The following NOSTRIN variants were observed in gnomAD, a reference collection of about 807,000 sequenced individuals.
The protein encoded by NOSTRIN is BM247 homolog.
A neutral mutation model predicts 59.0 loss-of-function variants in NOSTRIN; 63 were observed. The observed-to-expected ratio is 1.07, with a 90% confidence interval of 0.87 to 1.32. The LOEUF (loss-of-function observed/expected upper bound fraction) is 1.32. NOSTRIN is among the 40% of genes most tolerant of loss of function. The probability of loss-of-function intolerance (pLI) is 0.00; values close to 1 mark genes in which losing one functional copy is unlikely to be tolerated. For missense variants in NOSTRIN, 512 were observed against 473.1 expected, an observed-to-expected ratio of 1.08 and a Z score of -0.76; for synonymous variants, 200 against 165.4, an observed-to-expected ratio of 1.21 and a Z score of -1.61.
At chr2:168,797,079 C>CTTTTTTTTTTTTTTTTTTTTTTT (rs775176252), upstream of NOSTRIN, among the ~76,000 whole-genome samples, 44 of 75,056 alleles carry the variant, frequency 5.9e-4, no homozygotes, top group Non-Finnish European at 6.9e-4. Flanking sequence ...TTTCTTTTTT[C>CTTTTTTTTTTTTTTTTTTTTTTT]TTTTTTTTTT....
At chr2:168,859,048 G>C (rs1186905479) in intron 12 of NOSTRIN, 3 of 153,438 alleles carry the variant, frequency 2.0e-5, no homozygotes, top group African/African-American at 7.2e-5. Context: ...GGTAATATAA[G>C]ACCTCACCTT....
At chr2:168,843,472 G>A (rs77432751) in intron 8 of NOSTRIN, among the ~76,000 whole-genome samples, 2,439 of 152,238 alleles carry the variant, frequency 0.016, 60 homozygotes, top group African/African-American at 0.056. Flanking sequence ...TACAGTGATC[G>A]CTTATGGAGG....
chr2:168,843,069 T>C lies in NOSTRIN; in HGVS notation c.582T>C (p.Gly194=), dbSNP rs748857963. 5.7e-6 allele frequency: 5 copies of C among 872,322 alleles called. No homozygotes were observed. Among genetic ancestry groups the C allele is most frequent in the Non-Finnish European group, 1.0e-5 (5 of 501,372 alleles). The allele number at this position is 872,322 out of a possible 1,614,324, so 54.0% of individuals were successfully genotyped here. A position where few individuals can be genotyped will look rare whatever the true frequency, so the allele number is the denominator to read the frequency against. ...ATTACTACCAAAAAAACATGGCGGG[T>C]TATTCTACCAGACTGAAATGGGAAA... is the stretch of plus-strand genomic sequence containing the variant. ...DENYYQKNMA[G]YSTRLKWENT... is the part of the protein sequence containing the mutation. The change falls in exon 8 of 16, where the codon GGT becomes GGC. Residue 194 remains glycine (G), a synonymous_variant. Coordinates refer to ENST00000317647, the MANE Select transcript of NOSTRIN (RefSeq NM_001039724.4).
chr2:168,832,078 G>T (rs1687394050), intron 6 of NOSTRIN, among the ~76,000 whole-genome samples: 1 of 152,130 alleles, frequency 6.6e-6, no homozygotes, highest in South Asian at 2.1e-4. Flanking sequence ...CCCAGTGAGG[G>T]GTGGGTAGTG....
chr2:168,862,131 G>A (rs1039912543), intron 15 of NOSTRIN, 82 bp downstream of exon 15: 19 of 1,247,390 alleles, frequency 1.5e-5, no homozygotes, highest in African/African-American at 4.4e-5. Flanking sequence ...TAGTGTGGCA[G>A]CCTTAAGAGT....
In NOSTRIN at chr2:168,850,640, C is replaced by T. The variant is rs894711711; in HGVS notation, c.631-444C>T. On this transcript the variant is annotated intron_variant, in intron 8 of 15. Transcript: ENST00000317647. ...TGTAAAAACAAGGCCTGGCTAGGCG[C>T]GGTGGCTCATGCCTGTAATCCTAGC... Among the ~76,000 whole-genome samples, 58 of 148,838 alleles carry T rather than the reference C, an allele frequency of 3.9e-4. 1 individual carries two copies. The highest frequency in any genetic ancestry group is 1.3e-3 in the African/African-American group (54 of 40,144).
upstream of NOSTRIN, among the ~76,000 whole-genome samples, chr2:168,802,048 G>A (rs1047978757): frequency 6.6e-6 from 1 of 152,100 alleles, no homozygotes; most frequent in East Asian, 1.9e-4. Context: ...GTGGGATTTA[G>A]GGGGTGGGGG....
Position 168,851,173 on chromosome 2 carries a change from C to A in NOSTRIN, c.720C>A (p.Thr240=), listed in dbSNP as rs1688744878. ...YSQHISLFGQ[T]LTTCHTQIHC... is the part of the protein sequence containing the mutation. ...AACATATTTCTCTTTTTGGCCAAAC[C>A]CTGACCACAGTGAGTAGAGATGATC... is the stretch of plus-strand genomic sequence containing the variant. Residue 240 remains threonine (T), a synonymous_variant, in exon 9 of 16, where the codon ACC becomes ACA. Transcript: ENST00000317647. 9 of 1,614,020 alleles carry A rather than the reference C, an allele frequency of 5.6e-6. No individual in the cohort carries two copies. Among genetic ancestry groups the A allele is most frequent in the Non-Finnish European group, 7.6e-6 (9 of 1,179,926 alleles).
chr2:168,861,123 G>A (rs1689419917), intron 14 of NOSTRIN, among the ~76,000 whole-genome samples: 1 of 152,212 alleles, frequency 6.6e-6, no homozygotes, highest in Non-Finnish European at 1.5e-5. Context: ...CCTATGAGAA[G>A]TTGCCTCAGA....
chr2:168,805,322 A>G (rs756153854), intron 1 of NOSTRIN, among the ~76,000 whole-genome samples: 1 of 152,212 alleles, frequency 6.6e-6, no homozygotes. Flanking sequence ...TATTTGAAAA[A>G]GATATCTGTA....
intron 10 of NOSTRIN, 144 bp downstream of exon 10, chr2:168,851,548 C>T (rs1039217919): frequency 3.1e-6 from 4 of 1,274,798 alleles, no homozygotes; most frequent in Non-Finnish European, 4.2e-6. Flanking sequence ...AAAAACCCAG[C>T]ATTCTAGTTT....
intron 12 of NOSTRIN, chr2:168,859,260 AT>A (rs1689296479): frequency 2.7e-6 from 1 of 369,274 alleles, no homozygotes; most frequent in Non-Finnish European, 4.8e-6. Context: ...AAATACTAAT[AT>A]ATTACCAAGG....
At chr2:168,795,257 C>T (rs1685450165), upstream of NOSTRIN, among the ~76,000 whole-genome samples, 1 of 152,218 alleles carries the variant, frequency 6.6e-6, no homozygotes, top group African/African-American at 2.4e-5. Flanking sequence ...CTATACTAGA[C>T]ATTCTAGTGT....
intron 7 of NOSTRIN, among the ~76,000 whole-genome samples, chr2:168,842,537 C>T (rs1688163711): frequency 6.6e-6 from 1 of 152,200 alleles, no homozygotes; most frequent in Admixed American, 6.5e-5. Context: ...TAGCCAGACT[C>T]ATTCTAAAAA....
chr2:168,824,833 G>T lies in NOSTRIN; in HGVS notation c.197+116G>T, dbSNP rs114655261. On this transcript the variant is annotated intron_variant, in intron 3 of 15. Coordinates refer to ENST00000317647, the MANE Select transcript of NOSTRIN (RefSeq NM_001039724.4). Reference sequence around the variant, plus strand: ...GCTCTGTTACCTGGGTTAGAGTGCAGTGGCACAATCACAGCTCACTGCACC... The same window carrying T: ...GCTCTGTTACCTGGGTTAGAGTGCATTGGCACAATCACAGCTCACTGCACC... 3.4e-3 allele frequency: 2,186 copies of T among 641,698 alleles called. 40 individuals are homozygous for T. In the African/African-American group the frequency reaches 0.036, roughly 11 times the overall value. The allele number at this position is 641,698 out of a possible 1,614,324, so 39.8% of individuals were successfully genotyped here.
intron 8 of NOSTRIN, among the ~76,000 whole-genome samples, chr2:168,844,994 A>G (rs1288583819): frequency 6.6e-6 from 1 of 152,172 alleles, no homozygotes; most frequent in Non-Finnish European, 1.5e-5. Context: ...ATCTCTTGCA[A>G]TTCAACCACT....
intron 1 of NOSTRIN, among the ~76,000 whole-genome samples, chr2:168,809,460 G>A (rs1686026521): frequency 6.6e-6 from 1 of 152,076 alleles, no homozygotes; most frequent in African/African-American, 2.4e-5. Flanking sequence ...TAAACATTTA[G>A]GCATTTTCTT....
At chr2:168,863,027 AAG>A (rs1559146470) in intron 15 of NOSTRIN, among the ~76,000 whole-genome samples, 2 of 151,778 alleles carry the variant, frequency 1.3e-5, no homozygotes, top group African/African-American at 2.4e-5. Flanking sequence ...ATGTGAATAA[AAG>A]ACAGACATAC....
chr2:168,791,582 G>T (rs1344665265), intron 2 of NOSTRIN, among the ~76,000 whole-genome samples: 2 of 152,134 alleles, frequency 1.3e-5, no homozygotes, highest in Non-Finnish European at 2.9e-5. Context: ...CTTCCACAAT[G>T]GTTGAACTAG....
Sources: allele counts gnomAD v4.1 joint callset (sites outside exome capture counted in the v4.1 genomes callset), GRCh38; gene constraint gnomAD v4.1.1; transcripts MANE v1.5; gene names NCBI Gene and HGNC (gene_info 2026-07-23, HGNC 2026-07-21).